Variants in CNTN4 observed in about 807,000 individuals in gnomAD.
The protein encoded by CNTN4 is contactin-4.
CNTN4 carries 77 observed loss-of-function variants against 122.5 expected under a neutral mutation model. That is an observed-to-expected ratio of 0.63 (90% CI 0.52 to 0.76). The LOEUF (loss-of-function observed/expected upper bound fraction) is 0.76. Among genes scored for constraint, CNTN4 ranks in the 30% least tolerant of loss-of-function variants. The pLI is 0.00. For synonymous variants in CNTN4, 512 were observed against 447.0 expected (o/e 1.15, Z -1.83); for missense variants, 1,256 against 1,259.1 (o/e 1.00, Z 0.04).
intron 2 of CNTN4, among the ~76,000 whole-genome samples, chr3:2,233,362 A>G (rs911496805): frequency 6.6e-6 from 1 of 152,140 alleles, no homozygotes; most frequent in Non-Finnish European, 1.5e-5. Flanking sequence ...TATGGCCTCT[A>G]CATAACCTCT....
At chr3:2,429,809 C>T (rs989067880) in intron 3 of CNTN4, among the ~76,000 whole-genome samples, 1 of 152,198 alleles carries the variant, frequency 6.6e-6, no homozygotes, top group Non-Finnish European at 1.5e-5. Flanking sequence ...AGCCTTGCTG[C>T]CACCTTGCAG....
chr3:3,012,988 A>C (rs1697389491), intron 14 of CNTN4, among the ~76,000 whole-genome samples: 2 of 152,004 alleles, frequency 1.3e-5, no homozygotes, highest in Non-Finnish European at 2.9e-5. Flanking sequence ...AAAATAAAAA[A>C]AACCCTTTGT....
At chr3:2,718,767 CTAGT>C (rs2087654041) in intron 4 of CNTN4, among the ~76,000 whole-genome samples, 1 of 152,142 alleles carries the variant, frequency 6.6e-6, no homozygotes, top group South Asian at 2.1e-4. Flanking sequence ...AGAGACTTAT[CTAGT>C]TAAATAGTTA....
At chr3:2,667,650 A>T (rs1396300795) in intron 4 of CNTN4, among the ~76,000 whole-genome samples, 3 of 140,090 alleles carry the variant, frequency 2.1e-5, no homozygotes, top group Non-Finnish European at 3.1e-5. Flanking sequence ...GGTGTTTTAG[A>T]CATGAAGTCC....
intron 6 of CNTN4, among the ~76,000 whole-genome samples, chr3:2,751,201 G>C (rs1197067673): frequency 6.6e-6 from 1 of 152,006 alleles, no homozygotes; most frequent in Non-Finnish European, 1.5e-5. Flanking sequence ...CCAGCTACTC[G>C]GGAGGCTGAG....
Position 2,709,490 on chromosome 3 carries a change from A to G in CNTN4, c.56-26725A>G, listed in dbSNP as rs1001588751. 3.9e-5 allele frequency among the ~76,000 whole-genome samples: 6 copies of G among 152,308 alleles called. No homozygotes were observed. Among genetic ancestry groups the G allele is most frequent in the African/African-American group, 1.4e-4 (6 of 41,568 alleles). On this transcript the variant is annotated intron_variant, in intron 4 of 24. Coordinates refer to ENST00000418658, the MANE Select transcript of CNTN4 (RefSeq NM_175607.3). This position sits in a 1 kb window ranked among gnomAD's most constrained non-coding sequence, Gnocchi z 5.0. ...GAACTACTGAAACCTAATCCCCGCAATTACAGGGTTTTATATCGTTTGCCT... is the reference window on the plus strand; with the variant it reads ...GAACTACTGAAACCTAATCCCCGCAGTTACAGGGTTTTATATCGTTTGCCT...
chr3:2,103,839 G>T (rs2032202548), intron 2 of CNTN4, among the ~76,000 whole-genome samples: 1 of 152,138 alleles, frequency 6.6e-6, no homozygotes, highest in South Asian at 2.1e-4. Context: ...TTCCATTAGA[G>T]AATCTGCCTC....
At chr3:3,035,787 C>T (rs1042455626) in intron 17 of CNTN4, among the ~76,000 whole-genome samples, 3 of 152,164 alleles carry the variant, frequency 2.0e-5, no homozygotes, top group South Asian at 4.1e-4. Flanking sequence ...CAAACTCCTG[C>T]GCTCAAGCAA....
chr3:2,676,712 A>G (rs1160083736), intron 4 of CNTN4, among the ~76,000 whole-genome samples: 2 of 152,220 alleles, frequency 1.3e-5, no homozygotes, highest in Admixed American at 6.5e-5. Flanking sequence ...AATTTACAGA[A>G]TTTGGAAGAA....
chr3:2,277,727 T>G (rs941770645), intron 2 of CNTN4, among the ~76,000 whole-genome samples: 7 of 152,172 alleles, frequency 4.6e-5, no homozygotes, highest in African/African-American at 1.7e-4. Context: ...GGTTTGTCCT[T>G]TTGTCACTTG....
At chr3:2,448,778 C>A (rs2048720157) in intron 3 of CNTN4, among the ~76,000 whole-genome samples, 1 of 152,196 alleles carries the variant, frequency 6.6e-6, no homozygotes, top group Non-Finnish European at 1.5e-5. Flanking sequence ...TGTCCAGCAG[C>A]CCAGGTGTCC....
At chr3:2,528,407 C>T (rs961887638) in intron 3 of CNTN4, among the ~76,000 whole-genome samples, 5 of 152,010 alleles carry the variant, frequency 3.3e-5, no homozygotes, top group African/African-American at 1.2e-4. Context: ...AATGCATTGG[C>T]CCATAAAATG....
At position 2,703,322 on chromosome 3, in the gene CNTN4, T is replaced by A. The variant is rs79128765; in HGVS notation, c.56-32893T>A. Among the ~76,000 whole-genome samples the A allele has an allele frequency of 9.1e-3, 1,386 of 152,292 alleles. 13 individuals carry two copies. Among genetic ancestry groups the A allele is most frequent in the African/African-American group, 0.027 (1,109 of 41,554 alleles). ...GTATGAGTATATATTGCAATGTTTG[T>A]GCATCACTGAATATAATAGCTTACA... On this transcript the variant is annotated intron_variant, in intron 4 of 24. Coordinates refer to ENST00000418658, the MANE Select transcript of CNTN4 (RefSeq NM_175607.3).
chr3:2,916,063 A>G (rs2094350174), intron 12 of CNTN4, among the ~76,000 whole-genome samples: 1 of 152,240 alleles, frequency 6.6e-6, no homozygotes, highest in South Asian at 2.1e-4. Flanking sequence ...GGGTATCAAC[A>G]TTTAGTGTTG....
chr3:2,126,596 A>C (rs1173654019), intron 2 of CNTN4, among the ~76,000 whole-genome samples: 1 of 152,220 alleles, frequency 6.6e-6, no homozygotes, highest in Non-Finnish European at 1.5e-5. Context: ...TGATGGTGTT[A>C]GCTCCTTAGC....
chr3:2,962,799 G>A (rs1182823845), intron 13 of CNTN4, among the ~76,000 whole-genome samples: 2 of 152,226 alleles, frequency 1.3e-5, no homozygotes, highest in African/African-American at 2.4e-5. Context: ...TGGATACTGA[G>A]TAGGCGAAAA....
chr3:2,234,131 T>C (rs1376802905), intron 2 of CNTN4, among the ~76,000 whole-genome samples: 1 of 151,872 alleles, frequency 6.6e-6, no homozygotes. Context: ...TTTAAGAAAT[T>C]TTCTTGGGAG....
intron 3 of CNTN4, among the ~76,000 whole-genome samples, chr3:2,484,304 T>A (rs912046045): frequency 6.6e-6 from 1 of 152,230 alleles, no homozygotes. Context: ...GACAACCTGC[T>A]AACCTGATAA....
intron 4 of CNTN4, among the ~76,000 whole-genome samples, chr3:2,653,042 G>T (rs1298110335): frequency 6.6e-6 from 1 of 151,896 alleles, no homozygotes; most frequent in African/African-American, 2.4e-5. Flanking sequence ...CTGTTTTTTG[G>T]TCAAAAATGA....
Sources: allele counts gnomAD v4.1 joint callset (sites outside exome capture counted in the v4.1 genomes callset), GRCh38; gene constraint gnomAD v4.1.1; non-coding constraint Gnocchi (gnomAD v3.1); transcripts MANE v1.5; gene names NCBI Gene and HGNC (gene_info 2026-07-23, HGNC 2026-07-21).